HS6ST3: variants seen among roughly 807,000 people sequenced by gnomAD.
HS6ST3 encodes the protein heparan sulfate 6-O-sulfotransferase 3.
HS6ST3 carries 12 observed loss-of-function variants against 36.7 expected under a neutral mutation model. The observed-to-expected ratio is 0.33, with a 90% CI of 0.21 to 0.53. The LOEUF (loss-of-function observed/expected upper bound fraction) is 0.53. Ranked by LOEUF, HS6ST3 falls within the 20% of genes least tolerant of loss-of-function variation. HS6ST3 has a pLI of 0.95. For synonymous variants in HS6ST3, 240 were observed against 257.5 expected (o/e 0.93, Z 0.65); for missense variants, 584 against 640.9 (o/e 0.91, Z 0.96).
In HS6ST3 at chr13:96,833,647, G is replaced by T. The variant is rs1239345110; in HGVS notation, c.*449G>T. 3.8e-5 allele frequency: 6 copies of T among 157,370 alleles called. No homozygotes were observed. The highest frequency in any genetic ancestry group is 8.4e-5 in the Non-Finnish European group (6 of 71,406). 9.7% of individuals were successfully genotyped at this position (157,370 alleles called of 1,614,324 possible). A position where few individuals can be genotyped will look rare whatever the true frequency, so the allele number is the denominator to read the frequency against. On this transcript the variant is annotated 3_prime_UTR_variant, in exon 2 of 2. Coordinates refer to ENST00000376705, the MANE Select transcript of HS6ST3 (RefSeq NM_153456.4). ...CAGTTGGTATAAAGAGAGAGAAAGAGAAAAACATTTCAGCCCTTAGATGAG... is the reference window on the plus strand; with the variant it reads ...CAGTTGGTATAAAGAGAGAGAAAGATAAAAACATTTCAGCCCTTAGATGAG...
At chr13:96,516,658 G>C (rs2056074117) in intron 1 of HS6ST3, among the ~76,000 whole-genome samples, 2 of 151,706 alleles carry the variant, frequency 1.3e-5, no homozygotes, top group Admixed American at 6.6e-5. Context: ...ACTCTTATTG[G>C]TTCAGAGTGA....
chr13:96,501,204 A>G (rs187245674), intron 1 of HS6ST3, among the ~76,000 whole-genome samples: 3 of 152,262 alleles, frequency 2.0e-5, no homozygotes, highest in Non-Finnish European at 2.9e-5. Flanking sequence ...TGTTGTGCCT[A>G]TGCTGCTGTT....
At chr13:96,375,862 G>T (rs867134857) in intron 1 of HS6ST3, among the ~76,000 whole-genome samples, 54 of 152,020 alleles carry the variant, frequency 3.6e-4, no homozygotes, top group African/African-American at 1.3e-3. Context: ...TTAGACCCTG[G>T]GAAGAGAAAA....
chr13:96,668,231 AC>A (rs2056670749), intron 1 of HS6ST3, among the ~76,000 whole-genome samples: 1 of 151,906 alleles, frequency 6.6e-6, no homozygotes, highest in African/African-American at 2.4e-5. Flanking sequence ...CAGAATTTGA[AC>A]CCTGGCAATC....
chr13:96,092,073 C>G (rs576701050), intron 1 of HS6ST3, among the ~76,000 whole-genome samples: 1 of 152,256 alleles, frequency 6.6e-6, no homozygotes, highest in East Asian at 1.9e-4. Flanking sequence ...TGGATGGCAG[C>G]TCAGGAAACA....
intron 1 of HS6ST3, among the ~76,000 whole-genome samples, chr13:96,209,984 T>G (rs2054390693): frequency 6.6e-6 from 1 of 152,240 alleles, no homozygotes; most frequent in South Asian, 2.1e-4. Context: ...ATTGTAATTC[T>G]GTGAGAACAG....
chr13:96,124,304 A>G (rs1034118219), intron 1 of HS6ST3, among the ~76,000 whole-genome samples: 1 of 152,188 alleles, frequency 6.6e-6, no homozygotes, highest in African/African-American at 2.4e-5. Context: ...CAAGGAGACC[A>G]CCAGGGACTT....
intron 1 of HS6ST3, among the ~76,000 whole-genome samples, chr13:96,175,978 C>T (rs555121242): frequency 1.1e-4 from 16 of 152,092 alleles, no homozygotes; most frequent in South Asian, 6.2e-4. Flanking sequence ...CAGGTGTGCA[C>T]CACCATGCCT....
At position 96,505,764 on chromosome 13, in the gene HS6ST3, C is replaced by T. The variant is rs914035128; in HGVS notation, c.708-326726C>T. On this transcript the variant is annotated intron_variant, in intron 1 of 1. Transcript: ENST00000376705. ...AGAAAAGATATACATCTCTTCTTTACGCTCAATAAAAACTGTATGTCACAT... is the reference window on the plus strand; with the variant it reads ...AGAAAAGATATACATCTCTTCTTTATGCTCAATAAAAACTGTATGTCACAT... Among the ~76,000 whole-genome samples the T allele has an allele frequency of 3.9e-5, 6 of 152,156 alleles. No individual in the cohort carries two copies. In the South Asian group the frequency reaches 6.2e-4, roughly 16 times the overall value.
intron 1 of HS6ST3, among the ~76,000 whole-genome samples, chr13:96,661,580 A>G (rs1203280508): frequency 2.0e-5 from 3 of 152,158 alleles, no homozygotes; most frequent in Non-Finnish European, 1.5e-5. Flanking sequence ...TAAGTAGAGC[A>G]TTAGTTCATT....
intron 1 of HS6ST3, among the ~76,000 whole-genome samples, chr13:96,302,136 G>T (rs1029359588): frequency 9.2e-5 from 14 of 151,374 alleles, no homozygotes; most frequent in African/African-American, 3.4e-4. Context: ...CTCTCAGGAG[G>T]GCAACCTGAC....
intron 1 of HS6ST3, among the ~76,000 whole-genome samples, chr13:96,114,592 A>G (rs2053885230): frequency 6.6e-6 from 1 of 152,190 alleles, no homozygotes; most frequent in South Asian, 2.1e-4. Context: ...TCATCTACGA[A>G]ACAGGGATAA....
At position 96,173,825 on chromosome 13, in the gene HS6ST3, TTG is replaced by T. The variant is rs67524085; in HGVS notation, c.707+82275_707+82276del. On this transcript the variant is annotated intron_variant, in intron 1 of 1. Transcript: ENST00000376705. ...CCAAATTAAGCACCTTAATTTCTCT[TTG>T]TGTGTGTGTGTGTGTGTGGATAGTA... Among the ~76,000 whole-genome samples the T allele has an allele frequency of 5.4e-3, 815 of 150,918 alleles. 5 individuals are homozygous for T. Among genetic ancestry groups the T allele is most frequent in the Middle Eastern group, 0.017 (5 of 294 alleles).
intron 1 of HS6ST3, among the ~76,000 whole-genome samples, chr13:96,352,091 T>G (rs1029535293): frequency 6.6e-6 from 1 of 152,212 alleles, no homozygotes; most frequent in African/African-American, 2.4e-5. Context: ...TTCAATAATA[T>G]GAGGAGGTCC....
intron 1 of HS6ST3, among the ~76,000 whole-genome samples, chr13:96,650,392 T>C (rs1270825529): frequency 1.3e-5 from 2 of 151,992 alleles, no homozygotes; most frequent in Admixed American, 6.6e-5. Flanking sequence ...TCCTTGACTT[T>C]CATTTCTGTC....
At chr13:96,626,186 A>C (rs2056511761) in intron 1 of HS6ST3, among the ~76,000 whole-genome samples, 1 of 151,278 alleles carries the variant, frequency 6.6e-6, no homozygotes, top group Non-Finnish European at 1.5e-5. Flanking sequence ...GTTTGTCAGT[A>C]TTTTCTTTTA....
intron 1 of HS6ST3, among the ~76,000 whole-genome samples, chr13:96,337,551 C>A (rs1271992311): frequency 2.6e-5 from 4 of 152,024 alleles, no homozygotes; most frequent in Non-Finnish European, 2.9e-5. Context: ...CACTTCTGAC[C>A]CTTTGTTGTG....
At chr13:96,126,340 A>G (rs1017920577) in intron 1 of HS6ST3, among the ~76,000 whole-genome samples, 8 of 152,206 alleles carry the variant, frequency 5.3e-5, no homozygotes, top group African/African-American at 1.9e-4. Context: ...ATCAGGATTG[A>G]TGCTACAGTT....
intron 1 of HS6ST3, among the ~76,000 whole-genome samples, chr13:96,524,864 C>A (rs2056107659): frequency 6.6e-6 from 1 of 152,216 alleles, no homozygotes; most frequent in African/African-American, 2.4e-5. Flanking sequence ...GGGCCGCACC[C>A]ACTGTCCATC....
Sources: allele counts gnomAD v4.1 joint callset (sites outside exome capture counted in the v4.1 genomes callset), GRCh38; gene constraint gnomAD v4.1.1; transcripts MANE v1.5; gene names NCBI Gene and HGNC (gene_info 2026-07-23, HGNC 2026-07-21).